Variants in ARMC3 observed in about 807,000 individuals in gnomAD.
ARMC3 encodes armadillo repeat-containing protein 3.
Under a neutral mutation model 90.3 loss-of-function variants are expected in ARMC3, and 74 were observed. The observed-to-expected ratio is 0.82, with a 90% CI of 0.68 to 0.99. ARMC3 has a LOEUF of 0.99. ARMC3 is among the 50% of genes least tolerant of loss of function. The pLI is 0.00. For missense variants in ARMC3, 958 were observed against 1,042.8 expected (o/e 0.92, Z 1.12); for synonymous variants, 334 against 361.8 (o/e 0.92, Z 0.87).
chr10:22,945,752 T>C (rs1834501548), intron 2 of ARMC3, among the ~76,000 whole-genome samples: 1 of 152,224 alleles, frequency 6.6e-6, no homozygotes, highest in African/African-American at 2.4e-5. Context: ...GATGACGTGC[T>C]AAGTGCTTTA....
intron 2 of ARMC3, among the ~76,000 whole-genome samples, chr10:22,936,190 G>A: frequency 6.6e-6 from 1 of 152,112 alleles, no homozygotes; most frequent in Non-Finnish European, 1.5e-5. Flanking sequence ...GGGGCAGTGG[G>A]TCACATCTGT....
chr10:22,957,817 A>T (rs574134571), intron 4 of ARMC3, among the ~76,000 whole-genome samples: 98 of 152,368 alleles, frequency 6.4e-4, no homozygotes, highest in African/African-American at 2.1e-3. Flanking sequence ...CCAAAAACAA[A>T]AAAAGGAAAA....
intron 18 of ARMC3, among the ~76,000 whole-genome samples, chr10:23,036,771 G>A (rs919530939): frequency 1.3e-5 from 2 of 152,314 alleles, no homozygotes; most frequent in South Asian, 2.1e-4. Flanking sequence ...AGGAACCAAC[G>A]TAGTCTCTGG....
chr10:22,976,043 T>A lies in ARMC3; in HGVS notation c.917-5297T>A, dbSNP rs114624384. ...AGGGCAGTGGACTCCTTTAGCCCAA[T>A]TGTGGATGAGGAGGAGACTTTCCCA... On this transcript the variant is annotated intron_variant, in intron 8 of 18. Transcript: ENST00000298032. Among the ~76,000 whole-genome samples the A allele has an allele frequency of 4.5e-3, 686 of 152,294 alleles. 3 individuals carry two copies. Among genetic ancestry groups the A allele is most frequent in the African/African-American group, 0.016 (650 of 41,564 alleles).
chr10:22,993,807 A>T (rs1382577), intron 10 of ARMC3, among the ~76,000 whole-genome samples: 88,304 of 151,912 alleles, frequency 0.58, 26,144 homozygotes, highest in Non-Finnish European at 0.62. Context: ...GGGATAGGGA[A>T]GGGTGTTTGG....
At chr10:22,974,631 T>G (rs546828959) in intron 8 of ARMC3, among the ~76,000 whole-genome samples, 11 of 60,962 alleles carry the variant, frequency 1.8e-4, no homozygotes, top group Non-Finnish European at 2.8e-4. Context: ...CTAAAATCTG[T>G]TTTTTTTTGT....
rs1011137710 is a variant in ARMC3 at position 23,032,948 on chromosome 10, T to C, written c.2334T>C (p.Phe778=). ...SWELHISELK[F]QLKSNVIPIG... is the part of the protein sequence containing the mutation. ...AACTTCACATAAGTGAACTGAAATT[T>C]CAACTTAAATCCAATGTTATACCGA... Residue 778 remains phenylalanine, a synonymous_variant, in exon 18 of 19, where the codon TTT becomes TTC. Coordinates refer to ENST00000298032, the MANE Select transcript of ARMC3 (RefSeq NM_173081.5). 2 of 1,613,230 alleles carry C rather than the reference T, an allele frequency of 1.2e-6. No homozygotes were observed. The highest frequency in any genetic ancestry group is 2.7e-5 in the African/African-American group (2 of 75,010).
In ARMC3 at chr10:22,953,680, A is replaced by G. The variant is rs562820417; in HGVS notation, c.167-2127A>G. ...AACATTGTATGGGAGATTCTAGCCA[A>G]TGCAATCAGGCAAGGAAAAGAAATA... On this transcript the variant is annotated intron_variant, in intron 3 of 18. Transcript: ENST00000298032. 3.3e-5 allele frequency among the ~76,000 whole-genome samples: 5 copies of G among 152,342 alleles called. No homozygotes were observed. The South Asian group carries it at 1.0e-3, about 32-fold the overall frequency.
chr10:22,997,082 T>C (rs1470130393), intron 10 of ARMC3, among the ~76,000 whole-genome samples: 1 of 152,226 alleles, frequency 6.6e-6, no homozygotes, highest in Admixed American at 6.5e-5. Flanking sequence ...ATTTTGGGTC[T>C]CCCTTTAAAA....
At chr10:22,945,539 C>A in intron 2 of ARMC3, among the ~76,000 whole-genome samples, 1 of 152,098 alleles carries the variant, frequency 6.6e-6, no homozygotes, top group Non-Finnish European at 1.5e-5. Flanking sequence ...AGGTTTTATT[C>A]AATTTTACAT....
intron 3 of ARMC3, among the ~76,000 whole-genome samples, chr10:22,948,273 A>T (rs1834615662): frequency 6.6e-6 from 1 of 152,290 alleles, no homozygotes; most frequent in Non-Finnish European, 1.5e-5. Flanking sequence ...TTGTGCATCT[A>T]TGGCAGCATG....
Position 22,968,545 on chromosome 10 carries a change from G to T in ARMC3, c.916+56G>T, listed in dbSNP as rs1386561372. The T allele has an allele frequency of 2.1e-6, 3 of 1,446,108 alleles. No individual in the cohort carries two copies. In the African/African-American group the frequency reaches 4.3e-5, roughly 21 times the overall value. 89.6% of individuals were successfully genotyped at this position (1,446,108 alleles called of 1,614,324 possible). ...GATAGGATCTTGCTCTGTTTCTCAG[G>T]CTGGAGTGCTGTGGCGTGATCACAG... On this transcript the variant is annotated intron_variant, in intron 8 of 18. Coordinates refer to ENST00000298032, the MANE Select transcript of ARMC3 (RefSeq NM_173081.5).
In ARMC3 at chr10:22,959,424, T is replaced by C. The variant is rs1418462921; in HGVS notation, c.387T>C (p.Ala129=). 1 of 1,606,838 alleles carries C rather than the reference T, an allele frequency of 6.2e-7. No individual in the cohort carries two copies. The highest frequency in any genetic ancestry group is 1.7e-5 in the Admixed American group (1 of 57,854). ...AAGAAGTAGTTATCCATGAGTTTGCTAGTCTTTGTCTAGCAAACATGTCTG... is the reference window on the plus strand; with the variant it reads ...AAGAAGTAGTTATCCATGAGTTTGCCAGTCTTTGTCTAGCAAACATGTCTG... The part of the protein sequence containing the change: ...PEEEVVIHEF[A]SLCLANMSAE... The change falls in exon 6 of 19, where the codon GCT becomes GCC. Residue 129 remains alanine, a synonymous_variant. Transcript: ENST00000298032.
chr10:22,949,837 A>C (rs1834675008), intron 3 of ARMC3, among the ~76,000 whole-genome samples: 1 of 152,168 alleles, frequency 6.6e-6, no homozygotes, highest in African/African-American at 2.4e-5. Context: ...ATCAGTGATA[A>C]AGAGAAAATC....
chr10:22,998,136 T>C lies in ARMC3; in HGVS notation c.1176-12T>C. Reference sequence around the variant, plus strand: ...CAGATGAATCACATTCATTTCTCTTTCATTTACTCAGCGCTGCTGCTGAAG... The same window carrying C: ...CAGATGAATCACATTCATTTCTCTTCCATTTACTCAGCGCTGCTGCTGAAG... On this transcript the variant is annotated splice_polypyrimidine_tract_variant and intron_variant, in intron 10 of 18. Coordinates refer to ENST00000298032, the MANE Select transcript of ARMC3 (RefSeq NM_173081.5). 6.2e-7 allele frequency: 1 copy of C among 1,610,746 alleles called. No homozygotes were observed. Among genetic ancestry groups the C allele is most frequent in the South Asian group, 1.1e-5 (1 of 90,686 alleles).
At chr10:23,014,905 A>AC (rs1321286945) in intron 16 of ARMC3, among the ~76,000 whole-genome samples, 2 of 151,476 alleles carry the variant, frequency 1.3e-5, no homozygotes, top group Non-Finnish European at 2.9e-5. Flanking sequence ...AAAAAAAAAA[A>AC]AAAACCCCAT....
At chr10:22,946,424 T>C (rs187449128) in intron 3 of ARMC3, 163 bp downstream of exon 3, 412 of 478,416 alleles carry the variant, frequency 8.6e-4, no homozygotes, top group African/African-American at 7.3e-3. Context: ...CAATCTCTCT[T>C]CCTGAGTTCC....
At chr10:22,997,809 T>C (rs1837063072) in intron 10 of ARMC3, among the ~76,000 whole-genome samples, 1 of 152,166 alleles carries the variant, frequency 6.6e-6, no homozygotes, top group Non-Finnish European at 1.5e-5. Flanking sequence ...TTCCTGGTCT[T>C]ACAAGTAAAT....
In ARMC3 at chr10:23,008,931, G is replaced by A; in HGVS notation, c.2045G>A (p.Arg682Lys). The change falls in exon 16 of 19, where the codon AGG becomes AAG. Residue 682 changes from arginine (R) to lysine (K), a missense_variant and splice_region_variant. Physicochemically the swap from Arg to Lys is conservative, Grantham distance 26. Coordinates refer to ENST00000298032, the MANE Select transcript of ARMC3 (RefSeq NM_173081.5). The stretch of plus-strand genomic sequence containing the variant: ...AGCGCCACCAAAGAAAAAGGATGGA[G>A]GTAAGAAAGTGTCCTGAGTTCCTCA... ...SKSATKEKGW[R>K]KSKGKKEEEK... 1.2e-6 allele frequency: 2 copies of A among 1,612,130 alleles called. No homozygotes were observed. The highest frequency in any genetic ancestry group is 1.7e-6 in the Non-Finnish European group (2 of 1,178,796).
Sources: gnomAD v4.1 joint callset for allele counts (sites outside exome capture counted in the v4.1 genomes callset) on GRCh38, gnomAD v4.1.1 for gene constraint, MANE v1.5 for transcripts, NCBI Gene and HGNC (gene_info 2026-07-23, HGNC 2026-07-21) for gene names.